The following LAMC3 variants were observed in gnomAD, a reference collection of about 807,000 sequenced individuals.
The protein encoded by LAMC3 is laminin subunit gamma-3.
In LAMC3, 128 loss-of-function variants were observed where a neutral mutation model predicts 173.8. The ratio of observed to expected loss-of-function variants is 0.74; its 90% CI spans 0.64 to 0.85. The LOEUF is 0.85. LAMC3 is among the 40% of genes least tolerant of loss of function. LAMC3 has a pLI of 0.00. For synonymous variants in LAMC3, 897 were observed against 909.1 expected, an observed-to-expected ratio of 0.99 and a Z score of 0.24; for missense variants, 2,022 against 2,156.0, an observed-to-expected ratio of 0.94 and a Z score of 1.23.
chr9:131,066,125 G>A (rs1829927456), intron 13 of LAMC3, among the ~76,000 whole-genome samples: 1 of 152,144 alleles, frequency 6.6e-6, no homozygotes, highest in African/African-American at 2.4e-5. Context: ...AACCCCAGAG[G>A]CAGAGGTTGC....
chr9:131,091,848 C>A lies in LAMC3; in HGVS notation c.*61C>A. On this transcript the variant is annotated 3_prime_UTR_variant, in exon 28 of 28. Coordinates refer to ENST00000361069, the MANE Select transcript of LAMC3 (RefSeq NM_006059.4). Reference sequence around the variant, plus strand: ...TGCTGTTTACATGACCCAGGGGGTGCACACTACCCCACAGGTGTGCCCATA... The same window carrying A: ...TGCTGTTTACATGACCCAGGGGGTGAACACTACCCCACAGGTGTGCCCATA... 6.3e-7 allele frequency: 1 copy of A among 1,586,498 alleles called. No individual in the cohort carries two copies. The highest frequency in any genetic ancestry group is 8.6e-7 in the Non-Finnish European group (1 of 1,167,204).
intron 24 of LAMC3, among the ~76,000 whole-genome samples, chr9:131,084,420 A>G (rs2133348036): frequency 6.6e-6 from 1 of 151,930 alleles, no homozygotes; most frequent in South Asian, 2.1e-4. Context: ...TATGTTTCCT[A>G]GGCTGGTTTT....
At chr9:131,055,030 A>G (rs1243495962) in intron 11 of LAMC3, among the ~76,000 whole-genome samples, 1 of 152,072 alleles carries the variant, frequency 6.6e-6, no homozygotes. Flanking sequence ...CCATCCCCCT[A>G]TTGACAGGCG....
chr9:131,081,273 T>C lies in LAMC3; in HGVS notation c.3928-786T>C, dbSNP rs184810248. ...GCTCGGTCATATTCCAGTGTGTGGA[T>C]GAAGCACATTTTGTTTACCCACTCA... On this transcript the variant is annotated intron_variant, in intron 23 of 27. Coordinates refer to ENST00000361069, the MANE Select transcript of LAMC3 (RefSeq NM_006059.4). Among the ~76,000 whole-genome samples the C allele has an allele frequency of 1.2e-4, 19 of 152,366 alleles. No homozygotes were observed. In the East Asian group the frequency reaches 3.7e-3, roughly 29 times the overall value.
chr9:131,023,556 T>C (rs1405830259), intron 1 of LAMC3, among the ~76,000 whole-genome samples: 1 of 152,246 alleles, frequency 6.6e-6, no homozygotes, highest in East Asian at 1.9e-4. Context: ...TTGTGTTTCT[T>C]GGCCATTCAT....
In LAMC3 at chr9:131,081,435, TTCCCTCCC is replaced by T. The variant is rs147880294; in HGVS notation, c.3928-602_3928-595del. On this transcript the variant is annotated intron_variant, in intron 23 of 27. Coordinates refer to ENST00000361069, the MANE Select transcript of LAMC3 (RefSeq NM_006059.4). ...ATCCACTTGCTGAGATAGAGCAGTG[TTCCCTCCC>T]TCCCTCCCTCCCTCCCTCCCTTCCT... is the stretch of plus-strand genomic sequence containing the variant. Among the ~76,000 whole-genome samples the T allele has an allele frequency of 9.5e-5, 12 of 126,782 alleles. 1 individual carries two copies. Among genetic ancestry groups the T allele is most frequent in the African/African-American group, 3.2e-4 (11 of 33,962 alleles). 83.2% of individuals were successfully genotyped at this position (126,782 alleles called of 152,430 possible).
In LAMC3 at chr9:131,041,626, C is replaced by T. The variant is rs771956491; in HGVS notation, c.1284-11C>T. 9.2e-5 allele frequency: 149 copies of T among 1,612,896 alleles called. No homozygotes were observed. The highest frequency in any genetic ancestry group is 1.2e-4 in the Non-Finnish European group (142 of 1,179,340). Reference sequence around the variant, plus strand: ...ATTGCACATTTTCCTCTTGTCCTGTCTCATTGGCAGACCCTGCACTTGCAA... The same window carrying T: ...ATTGCACATTTTCCTCTTGTCCTGTTTCATTGGCAGACCCTGCACTTGCAA... On this transcript the variant is annotated splice_polypyrimidine_tract_variant and intron_variant, in intron 6 of 27. Coordinates refer to ENST00000361069, the MANE Select transcript of LAMC3 (RefSeq NM_006059.4).
Position 131,026,537 on chromosome 9 carries a change from C to T in LAMC3, c.626C>T (p.Thr209Ile). 1 of 1,610,456 alleles carries T rather than the reference C, an allele frequency of 6.2e-7. No homozygotes were observed. Among genetic ancestry groups the T allele is most frequent in the South Asian group, 1.1e-5 (1 of 90,792 alleles). The change falls in exon 2 of 28, where the codon ACC (threonine) becomes ATC (isoleucine). Residue 209 changes from threonine (T) to isoleucine (I), a missense_variant. Transcript: ENST00000361069. This position sits in a 1 kb window ranked among gnomAD's most constrained non-coding sequence, Gnocchi z 4.8. ...AGTGGCGGCAACGTGGCCTTCTCCA[C>T]CCTGGAGGGCCGGCCCAGCGCCTAC... is the stretch of plus-strand genomic sequence containing the variant. The part of the protein sequence containing the change: ...PLSGGNVAFS[T>I]LEGRPSAYNF...
intron 12 of LAMC3, among the ~76,000 whole-genome samples, chr9:131,059,375 C>T (rs1829761085): frequency 6.6e-6 from 1 of 150,644 alleles, no homozygotes; most frequent in Non-Finnish European, 1.5e-5. Flanking sequence ...GCCTGTAATC[C>T]CATCTACTAG....
chr9:131,078,658 C>G (rs1006136734), intron 22 of LAMC3, among the ~76,000 whole-genome samples: 22 of 152,318 alleles, frequency 1.4e-4, no homozygotes, highest in African/African-American at 5.1e-4. Context: ...GCTTCCAGCA[C>G]CACTCAGGGT....
chr9:131,052,805 C>A lies in LAMC3; in HGVS notation c.1824-45C>A, dbSNP rs1834319074. On this transcript the variant is annotated intron_variant, in intron 10 of 27. Coordinates refer to ENST00000361069, the MANE Select transcript of LAMC3 (RefSeq NM_006059.4). ...CCCCCCATCCCCAGGCATGGTACCC[C>A]CCCACCCTATGTCGGGATCTCACTT... The A allele has an allele frequency of 2.3e-6, 3 of 1,314,348 alleles. No homozygotes were observed. The South Asian group carries it at 3.5e-5, about 15-fold the overall frequency. The allele number at this position is 1,314,348 out of a possible 1,614,324, so 81.4% of individuals were successfully genotyped here. A position where few individuals can be genotyped will look rare whatever the true frequency, so the allele number is the denominator to read the frequency against.
chr9:131,026,694 A>AC lies in LAMC3; in HGVS notation c.678+109dup. ...ACACACAGGGTGGGGGACCTGCAAA[A>AC]CCCCATGGTTTTCTTTTTCTTCTTT... On this transcript the variant is annotated intron_variant, in intron 2 of 27. Transcript: ENST00000361069. This position sits in a 1 kb window ranked among gnomAD's most constrained non-coding sequence, Gnocchi z 4.8. 1 of 1,425,954 alleles carries AC rather than the reference A, an allele frequency of 7.0e-7. No homozygotes were observed. The highest frequency in any genetic ancestry group is 9.2e-7 in the Non-Finnish European group (1 of 1,092,448). The allele number at this position is 1,425,954 out of a possible 1,614,324, so 88.3% of individuals were successfully genotyped here. A position where few individuals can be genotyped will look rare whatever the true frequency, so the allele number is the denominator to read the frequency against.
chr9:131,067,001 C>T lies in LAMC3; in HGVS notation c.2389C>T (p.Pro797Ser). 1 of 1,613,964 alleles carries T rather than the reference C, an allele frequency of 6.2e-7. No homozygotes were observed. Among genetic ancestry groups the T allele is most frequent in the South Asian group, 1.1e-5 (1 of 91,086 alleles). ...CTGTGATGATGGCTTTTTTGGGGAC[C>T]CGCTGGGGCTCTTTGGGCACCCCCA... The part of the protein sequence containing the change: ...EVCDDGFFGD[P>S]LGLFGHPQPC... The change falls in exon 14 of 28, where the codon CCG becomes TCG. Residue 797 changes from proline to serine, a missense_variant. Physicochemically the swap from Pro to Ser is moderately conservative, Grantham distance 74. Coordinates refer to ENST00000361069, the MANE Select transcript of LAMC3 (RefSeq NM_006059.4).
intron 25 of LAMC3, 141 bp from the exon 26 acceptor site, chr9:131,087,335 C>T (rs1489272828): frequency 9.2e-7 from 1 of 1,085,196 alleles, no homozygotes; most frequent in Non-Finnish European, 1.4e-6. Context: ...GCATTCAGTA[C>T]ATATTTGTTG....
chr9:131,050,116 C>A (rs1834253734), intron 9 of LAMC3, among the ~76,000 whole-genome samples: 1 of 152,270 alleles, frequency 6.6e-6, no homozygotes, highest in Non-Finnish European at 1.5e-5. Context: ...GAGCAAAAAA[C>A]TCACTCTGTT....
chr9:131,032,638 C>T (rs1321501574), intron 3 of LAMC3, among the ~76,000 whole-genome samples: 3 of 151,204 alleles, frequency 2.0e-5, no homozygotes, highest in East Asian at 3.9e-4. Flanking sequence ...CTCTCTTGCT[C>T]TCTCGCTCTC....
rs763547597 is a variant in LAMC3, at chr9:131,052,812, C to G, written c.1824-38C>G. The G allele has an allele frequency of 4.4e-6, 6 of 1,371,616 alleles. No homozygotes were observed. In the Admixed American group the frequency reaches 1.0e-4, roughly 23 times the overall value. 85.0% of individuals were successfully genotyped at this position (1,371,616 alleles called of 1,614,324 possible). A position where few individuals can be genotyped will look rare whatever the true frequency, so the allele number is the denominator to read the frequency against. Reference sequence around the variant, plus strand: ...TCCCCAGGCATGGTACCCCCCCACCCTATGTCGGGATCTCACTTTGACCGC... The same window carrying G: ...TCCCCAGGCATGGTACCCCCCCACCGTATGTCGGGATCTCACTTTGACCGC... On this transcript the variant is annotated intron_variant, in intron 10 of 27. Transcript: ENST00000361069.
rs1830191167 is a variant in LAMC3 at position 131,079,223 on chromosome 9, C to T, written c.3852C>T (p.His1284=). 1 of 1,614,036 alleles carries T rather than the reference C, an allele frequency of 6.2e-7. No homozygotes were observed. Among genetic ancestry groups the T allele is most frequent in the Admixed American group, 1.7e-5 (1 of 60,002 alleles). ...ALEKTVASWQ[H]MATEAARTLQ... is the part of the protein sequence containing the mutation. ...AGAAGACAGTTGCATCATGGCAGCA[C>T]ATGGCCACTGAGGCTGCCCGAACCC... Residue 1284 remains histidine (H), a synonymous_variant, in exon 23 of 28, where the codon CAC becomes CAT. Coordinates refer to ENST00000361069, the MANE Select transcript of LAMC3 (RefSeq NM_006059.4).
intron 12 of LAMC3, among the ~76,000 whole-genome samples, chr9:131,060,735 G>T (rs1308890984): frequency 6.6e-6 from 1 of 152,128 alleles, no homozygotes; most frequent in Non-Finnish European, 1.5e-5. Context: ...GGTCTTGTTG[G>T]ACCCTGACGA....
Sources: allele counts gnomAD v4.1 joint callset (sites outside exome capture counted in the v4.1 genomes callset), GRCh38; gene constraint gnomAD v4.1.1; non-coding constraint Gnocchi (gnomAD v3.1); transcripts MANE v1.5; gene names NCBI Gene and HGNC (gene_info 2026-07-23, HGNC 2026-07-21).